The following MGAM2 variants were observed in gnomAD, a reference collection of about 807,000 sequenced individuals.
MGAM2 encodes probable maltase-glucoamylase 2.
A neutral mutation model predicts 96.1 loss-of-function variants in MGAM2; 98 were observed. The ratio of observed to expected loss-of-function variants is 1.02; its 90% CI spans 0.87 to 1.21. The LOEUF (loss-of-function observed/expected upper bound fraction) is 1.21. Among genes scored for constraint, MGAM2 ranks in the 50% most tolerant of loss-of-function variants. The probability of loss-of-function intolerance (pLI) is 0.00; values close to 1 mark genes in which losing one functional copy is unlikely to be tolerated. For missense variants in MGAM2, 2,055 were observed against 1,182.4 expected (o/e 1.74, Z -10.82); for synonymous variants, 749 against 414.8 (o/e 1.81, Z -9.79).
Position 142,144,920 on chromosome 7 carries a change from C to G in MGAM2, c.1491C>G (p.Asn497Lys). 1 of 702,820 alleles carries G rather than the reference C, an allele frequency of 1.4e-6. No homozygotes were observed. Among genetic ancestry groups the G allele is most frequent in the Non-Finnish European group, 2.6e-6 (1 of 384,916 alleles). 43.5% of individuals were successfully genotyped at this position (702,820 alleles called of 1,614,324 possible). ...CTAATAACCAGTGTGAATCCAACAACTTGAACTTTCCTCCTTTTCTTCCTA... is the reference window on the plus strand; with the variant it reads ...CTAATAACCAGTGTGAATCCAACAAGTTGAACTTTCCTCCTTTTCTTCCTA... Reference protein sequence around the residue: ...QASNNQCESNNLNFPPFLPRV... With the variant: ...QASNNQCESNKLNFPPFLPRV... The change falls in exon 14 of 48, where the codon AAC (asparagine) becomes AAG (lysine). Residue 497 changes from asparagine to lysine, a missense_variant. Asn to Lys is a moderately conservative substitution (Grantham distance 94). Transcript: ENST00000477922.
In MGAM2 at chr7:142,136,599, G is replaced by T. The variant is rs1458493629; in HGVS notation, c.806G>T (p.Gly269Val). 2 of 702,508 alleles carry T rather than the reference G, an allele frequency of 2.8e-6. No homozygotes were observed. The highest frequency in any genetic ancestry group is 2.0e-5 in the Admixed American group (1 of 49,874). The allele number at this position is 702,508 out of a possible 1,614,324, so 43.5% of individuals were successfully genotyped here. ...TTCTTGTGCCTTGAAGATGCCAGGG[G>T]CTCCTCTTTTGGAGTATTTCTGATG... is the stretch of plus-strand genomic sequence containing the variant. Reference protein sequence around the residue: ...TFFLCLEDARGSSFGVFLMNS... With the variant: ...TFFLCLEDARVSSFGVFLMNS... Residue 269 changes from glycine to valine, a missense_variant, in exon 8 of 48, where the codon GGC (glycine) becomes GTC (valine). Transcript: ENST00000477922.
intron 3 of MGAM2, among the ~76,000 whole-genome samples, chr7:142,123,075 G>A (rs1222757925): frequency 6.6e-6 from 1 of 152,010 alleles, no homozygotes; most frequent in Admixed American, 6.6e-5. Context: ...ACCCCCTTCA[G>A]CCTCCCAAAG....
Position 142,154,102 on chromosome 7 carries a change from T to C in MGAM2, c.1719T>C (p.His573=), listed in dbSNP as rs1037490805. The change falls in exon 16 of 48, where the codon CAT becomes CAC. Residue 573 remains histidine, a synonymous_variant. Coordinates refer to ENST00000477922, the MANE Select transcript of MGAM2 (RefSeq NM_001293626.2). The part of the protein sequence containing the change: ...TFAGSGKFAA[H]WLGDNAATWD... ...CTGGATCTGGCAAATTTGCTGCTCA[T>C]TGGCTGGGGGACAATGCGGCCACAT... 1.4e-5 allele frequency: 10 copies of C among 695,528 alleles called. No individual in the cohort carries two copies. Among genetic ancestry groups the C allele is most frequent in the African/African-American group, 1.4e-4 (8 of 57,218 alleles). 43.1% of individuals were successfully genotyped at this position (695,528 alleles called of 1,614,324 possible).
Position 142,171,458 on chromosome 7 carries a change from A to C in MGAM2, c.3351+18A>C. On this transcript the variant is annotated intron_variant, in intron 28 of 47. Transcript: ENST00000477922. ...CACCTGCGGTAGGGACAAAGGAATAAGTTTAGCAATCAGTTTCTCTTTATG... is the reference window on the plus strand; with the variant it reads ...CACCTGCGGTAGGGACAAAGGAATACGTTTAGCAATCAGTTTCTCTTTATG... The C allele has an allele frequency of 1.4e-6, 1 of 700,110 alleles. No homozygotes were observed. Among genetic ancestry groups the C allele is most frequent in the Non-Finnish European group, 2.6e-6 (1 of 382,680 alleles). 43.4% of individuals were successfully genotyped at this position (700,110 alleles called of 1,614,324 possible).
intron 37 of MGAM2, among the ~76,000 whole-genome samples, chr7:142,195,599 C>CTTG: frequency 6.6e-6 from 1 of 151,472 alleles, no homozygotes; most frequent in Non-Finnish European, 1.5e-5. Context: ...TCAAGTGATC[C>CTTG]ACCCACCTTG....
chr7:142,195,328 C>G (rs1177133314), intron 37 of MGAM2, among the ~76,000 whole-genome samples: 2 of 147,118 alleles, frequency 1.4e-5, no homozygotes, highest in Non-Finnish European at 3.0e-5. Flanking sequence ...GTTTCTGTGC[C>G]TGGCCTCCTT....
intron 3 of MGAM2, among the ~76,000 whole-genome samples, chr7:142,127,237 C>T (rs545842884): frequency 1.9e-4 from 29 of 152,170 alleles, no homozygotes; most frequent in Non-Finnish European, 4.3e-4. Context: ...TGATCCATGA[C>T]ATTTTATTTG....
intron 7 of MGAM2, among the ~76,000 whole-genome samples, chr7:142,135,015 C>G (rs1407045223): frequency 6.6e-6 from 1 of 152,134 alleles, no homozygotes; most frequent in South Asian, 2.1e-4. Context: ...AAGTATTGTT[C>G]CATGGACAAA....
chr7:142,213,934 G>A (rs999224271), intron 46 of MGAM2, among the ~76,000 whole-genome samples: 6 of 152,234 alleles, frequency 3.9e-5, no homozygotes, highest in Middle Eastern at 3.4e-3. Context: ...CTGGCAAACC[G>A]AATCCAGCAG....
At chr7:142,134,176 A>C in intron 7 of MGAM2, 24 bp downstream of exon 7, 1 of 720,376 alleles carries the variant, frequency 1.4e-6, no homozygotes, top group South Asian at 1.5e-5. Flanking sequence ...CCTCCTGAGT[A>C]TCGCCCACAG....
intron 46 of MGAM2, among the ~76,000 whole-genome samples, chr7:142,209,526 T>C (rs909062227): frequency 3.3e-5 from 5 of 152,250 alleles, no homozygotes; most frequent in African/African-American, 1.2e-4. Context: ...TAGGTCAAAC[T>C]GGATTCTGCT....
chr7:142,115,901 G>C (rs1182960399), intron 1 of MGAM2, among the ~76,000 whole-genome samples: 1 of 152,048 alleles, frequency 6.6e-6, no homozygotes, highest in African/African-American at 2.4e-5. Context: ...ACAGTAAAAG[G>C]ACATTGCTCA....
chr7:142,221,904 A>T lies in MGAM2; in HGVS notation c.7393A>T (p.Thr2465Ser). ...CCATATGGTAATAAATTCTGTGGCT[A>T]CTTATTTACCTATTACTGCAACTAG... ...TPHMVINSVA[T>S]YLPITATSAT... is the part of the protein sequence containing the mutation. Residue 2465 changes from threonine to serine, a missense_variant, in exon 48 of 48, where the codon ACT becomes TCT. Physicochemically the swap from Thr to Ser is moderately conservative, Grantham distance 58 (BLOSUM62 1). Coordinates refer to ENST00000477922, the MANE Select transcript of MGAM2 (RefSeq NM_001293626.2). The T allele has an allele frequency of 2.5e-6, 1 of 400,040 alleles. No homozygotes were observed. The highest frequency in any genetic ancestry group is 4.4e-6 in the Non-Finnish European group (1 of 227,014). 24.8% of individuals were successfully genotyped at this position (400,040 alleles called of 1,614,324 possible).
chr7:142,216,291 A>G (rs1797758086), intron 46 of MGAM2, among the ~76,000 whole-genome samples: 1 of 152,160 alleles, frequency 6.6e-6, no homozygotes, highest in Non-Finnish European at 1.5e-5. Flanking sequence ...GGAAGTCCTG[A>G]ATTTTAGTTC....
In MGAM2 at chr7:142,196,815, G is replaced by A. The variant is rs1797056370; in HGVS notation, c.4631G>A (p.Arg1544Lys). ...AGAAACCACAACAACATCGGGACAA[G>A]GGTGAGGCAGTAGTTCGTGCTCCAG... ...FSRNHNNIGT[R>K]RQDPVAWNST... The change falls in exon 40 of 48, where the codon AGG becomes AAG. Residue 1544 changes from arginine to lysine, a missense_variant and splice_region_variant. Arg to Lys is a conservative substitution (Grantham distance 26). Transcript: ENST00000477922. 1.3e-6 allele frequency: 1 copy of A among 778,072 alleles called. No individual in the cohort carries two copies. The highest frequency in any genetic ancestry group is 2.4e-6 in the Non-Finnish European group (1 of 417,526). The allele number at this position is 778,072 out of a possible 1,614,324, so 48.2% of individuals were successfully genotyped here.
intron 45 of MGAM2, among the ~76,000 whole-genome samples, chr7:142,200,602 TC>T (rs1315874532): frequency 1.3e-5 from 2 of 152,198 alleles, no homozygotes; most frequent in African/African-American, 4.8e-5. Context: ...TAGCTGACTC[TC>T]ACTTTTCACT....
rs543492659 is a variant in MGAM2 at position 142,119,080 on chromosome 7, G to A, written c.107-1222G>A. On this transcript the variant is annotated intron_variant, in intron 2 of 47. Coordinates refer to ENST00000477922, the MANE Select transcript of MGAM2 (RefSeq NM_001293626.2). ...GTGAAAAACAATCCACAGATTCAGGGAACATACCTGCAGATGATGTATCCG... is the reference window on the plus strand; with the variant it reads ...GTGAAAAACAATCCACAGATTCAGGAAACATACCTGCAGATGATGTATCCG... Among the ~76,000 whole-genome samples, 3 of 152,190 alleles carry A rather than the reference G, an allele frequency of 2.0e-5. No homozygotes were observed. In the East Asian group the frequency reaches 5.8e-4, roughly 29 times the overall value.
intron 8 of MGAM2, 31 bp from the exon 9 acceptor site, chr7:142,137,402 A>T (rs2129079369): frequency 2.9e-6 from 2 of 678,304 alleles, no homozygotes; most frequent in Non-Finnish European, 5.4e-6. Flanking sequence ...CAACCATAAG[A>T]TTCTAATTAA....
Position 142,197,407 on chromosome 7 carries a change from A to G in MGAM2, c.4640A>G (p.Asp1547Gly), listed in dbSNP as rs1235107546. Residue 1547 changes from aspartate to glycine, a missense_variant, in exon 41 of 48, where the codon GAT (aspartate) becomes GGT (glycine). Coordinates refer to ENST00000477922, the MANE Select transcript of MGAM2 (RefSeq NM_001293626.2). ...NHNNIGTRRQ[D>G]PVAWNSTFEM... ...GCTTCTTTATCCTTACAGAGACAAG[A>G]TCCTGTGGCCTGGAATTCAACCTTT... 1.4e-6 allele frequency: 1 copy of G among 702,978 alleles called. No homozygotes were observed. The highest frequency in any genetic ancestry group is 1.7e-5 in the African/African-American group (1 of 57,356). The allele number at this position is 702,978 out of a possible 1,614,324, so 43.5% of individuals were successfully genotyped here. A position where few individuals can be genotyped will look rare whatever the true frequency, so the allele number is the denominator to read the frequency against.
Sources: allele counts gnomAD v4.1 joint callset (sites outside exome capture counted in the v4.1 genomes callset), GRCh38; gene constraint gnomAD v4.1.1; transcripts MANE v1.5; gene names NCBI Gene and HGNC (gene_info 2026-07-23, HGNC 2026-07-21).